The following TENM2 variants were observed in gnomAD, a reference collection of about 807,000 sequenced individuals.
TENM2 encodes the protein teneurin transmembrane protein 2, also known as teneurin-2.
TENM2 carries 52 observed loss-of-function variants against 245.2 expected under a neutral mutation model. The ratio of observed to expected loss-of-function variants is 0.21; its 90% CI spans 0.17 to 0.27. TENM2 has a LOEUF of 0.27. Among genes scored for constraint, TENM2 ranks in the 10% least tolerant of loss-of-function variants. The pLI is 1.00. For synonymous variants in TENM2, 1,363 were observed against 1,438.9 expected (o/e 0.95, Z 1.19); for missense variants, 3,046 against 3,666.8 (o/e 0.83, Z 4.37).
the TENM2 span, among the ~76,000 whole-genome samples, chr5:167,118,883 G>A: frequency 6.6e-6 from 1 of 152,192 alleles, no homozygotes; most frequent in Non-Finnish European, 1.5e-5. Context: ...TCAGGAAATG[G>A]TATTTATAAG....
chr5:168,175,215 T>G (rs1219574064), intron 13 of TENM2, among the ~76,000 whole-genome samples: 1 of 152,218 alleles, frequency 6.6e-6, no homozygotes, highest in Non-Finnish European at 1.5e-5. Context: ...GACAGCAACT[T>G]AATGCCCCTT....
chr5:167,928,227 C>T (rs755697200), intron 3 of TENM2, among the ~76,000 whole-genome samples: 39 of 152,206 alleles, frequency 2.6e-4, no homozygotes, highest in African/African-American at 3.1e-4. Flanking sequence ...TAGGAGCCCC[C>T]GAAATGTCTA....
chr5:168,235,390 C>T (rs539446258), intron 25 of TENM2, among the ~76,000 whole-genome samples: 8 of 152,308 alleles, frequency 5.3e-5, no homozygotes, highest in African/African-American at 1.9e-4. Flanking sequence ...ATTCCCCAAG[C>T]AAACATTACT....
intron 19 of TENM2, among the ~76,000 whole-genome samples, chr5:168,210,441 G>C (rs967290014): frequency 1.3e-5 from 2 of 152,020 alleles, no homozygotes; most frequent in Non-Finnish European, 1.5e-5. Context: ...CAATAATTAA[G>C]AGCCAAATAT....
At chr5:167,173,444 G>A in the TENM2 span, among the ~76,000 whole-genome samples, 1 of 152,194 alleles carries the variant, frequency 6.6e-6, no homozygotes, top group Non-Finnish European at 1.5e-5. Context: ...GGCTACCTGT[G>A]TGGATAATTG....
chr5:167,360,358 A>G (rs1430258702), intron 1 of TENM2, among the ~76,000 whole-genome samples: 1 of 152,214 alleles, frequency 6.6e-6, no homozygotes. Flanking sequence ...TCAAGCCCTT[A>G]GAACCAGGCT....
chr5:167,503,552 TA>T (rs1334889936), intron 2 of TENM2, among the ~76,000 whole-genome samples: 2 of 151,886 alleles, frequency 1.3e-5, no homozygotes, highest in African/African-American at 4.8e-5. Context: ...TAAATAACTT[TA>T]AAAACTCTAT....
At chr5:168,208,459 G>A (rs1478172016) in intron 19 of TENM2, among the ~76,000 whole-genome samples, 1 of 152,204 alleles carries the variant, frequency 6.6e-6, no homozygotes, top group Non-Finnish European at 1.5e-5. Context: ...CGGGCGGGGG[G>A]AAAGTGGGAG....
chr5:168,149,426 A>G (rs778957012), intron 12 of TENM2: 1 of 457,104 alleles, frequency 2.2e-6, no homozygotes, highest in Non-Finnish European at 4.4e-6. Flanking sequence ...CAACAGGGGT[A>G]GTTGGTGGGG....
At position 167,596,634 on chromosome 5, in the gene TENM2, A is replaced by G. The variant is rs144247823; in HGVS notation, c.502+221161A>G. 1.4e-3 allele frequency among the ~76,000 whole-genome samples: 215 copies of G among 152,146 alleles called. 2 individuals carry two copies. The East Asian group carries it at 0.019, about 13-fold the overall frequency. ...TGGTGAAACACCCCCGTCTGTACTA[A>G]AAACACAAAAAATTAGCTGGGCGTG... is the stretch of plus-strand genomic sequence containing the variant. On this transcript the variant is annotated intron_variant, in intron 2 of 28. Transcript: ENST00000518659.
chr5:168,041,574 T>C (rs548579601), intron 5 of TENM2, among the ~76,000 whole-genome samples: 9 of 152,262 alleles, frequency 5.9e-5, no homozygotes, highest in African/African-American at 2.2e-4. Context: ...CTACATTAAA[T>C]GAAAAAAGGA....
the TENM2 span, among the ~76,000 whole-genome samples, chr5:167,027,026 T>C: frequency 6.6e-6 from 1 of 152,206 alleles, no homozygotes; most frequent in Non-Finnish European, 1.5e-5. Flanking sequence ...ACTTCTATCG[T>C]TGGAGTAAGA....
intron 7 of TENM2, among the ~76,000 whole-genome samples, chr5:168,065,401 C>T (rs1015678524): frequency 3.3e-5 from 5 of 152,130 alleles, no homozygotes; most frequent in Admixed American, 6.5e-5. Context: ...ACCTTGAGCA[C>T]GTCCCTTAAC....
chr5:167,831,594 G>C (rs576912619), intron 2 of TENM2, among the ~76,000 whole-genome samples: 2 of 148,622 alleles, frequency 1.3e-5, no homozygotes, highest in Middle Eastern at 3.5e-3. Context: ...ACAATACCAA[G>C]TTCCCACATT....
intron 1 of TENM2, among the ~76,000 whole-genome samples, chr5:167,335,065 T>A (rs6886887): frequency 0.47 from 71,001 of 151,884 alleles, 17,830 homozygotes; most frequent in Non-Finnish European, 0.57. Context: ...TGAGATAAAG[T>A]AAGGAAAAGA....
At chr5:167,785,208 A>G (rs1028230818) in intron 2 of TENM2, among the ~76,000 whole-genome samples, 1 of 151,784 alleles carries the variant, frequency 6.6e-6, no homozygotes, top group Admixed American at 6.6e-5. Flanking sequence ...ATCCTAGCAC[A>G]CTCTCATTTC....
Position 168,217,764 on chromosome 5 carries a change from A to G in TENM2, c.4234-361A>G, listed in dbSNP as rs570520220. On this transcript the variant is annotated intron_variant, in intron 22 of 28. Coordinates refer to ENST00000518659, the Ensembl canonical transcript of TENM2. The stretch of plus-strand genomic sequence containing the variant: ...TTCCGTAGGCGTCTGCTTGGAGAGC[A>G]GAGTATGGGCTGGATGGCATGGTCT... 4.9e-4 allele frequency among the ~76,000 whole-genome samples: 75 copies of G among 152,216 alleles called. 1 individual carries two copies. The highest frequency in any genetic ancestry group is 1.8e-3 in the African/African-American group (74 of 41,536).
At chr5:167,017,889 C>T in the TENM2 span, among the ~76,000 whole-genome samples, 2 of 152,208 alleles carry the variant, frequency 1.3e-5, no homozygotes, top group African/African-American at 4.8e-5. Context: ...GACATGCTGA[C>T]TTGTTCGGAG....
At chr5:168,012,659 AAC>A (rs1785319660) in intron 5 of TENM2, among the ~76,000 whole-genome samples, 1 of 148,764 alleles carries the variant, frequency 6.7e-6, no homozygotes, top group Non-Finnish European at 1.5e-5. Flanking sequence ...AAAAAAAAAA[AAC>A]AAAAAAAAAA....
Sources: gnomAD v4.1 joint callset for allele counts (sites outside exome capture counted in the v4.1 genomes callset) on GRCh38, gnomAD v4.1.1 for gene constraint, MANE v1.5 for transcripts, NCBI Gene and HGNC (gene_info 2026-07-23, HGNC 2026-07-21) for gene names.